ADGRA3: variants seen among roughly 807,000 people sequenced by gnomAD.
ADGRA3 encodes the protein adhesion G protein-coupled receptor A3.
ADGRA3 carries 56 observed loss-of-function variants against 119.8 expected under a neutral mutation model. The observed-to-expected ratio is 0.47, with a 90% CI of 0.38 to 0.58. The LOEUF (loss-of-function observed/expected upper bound fraction) is 0.58. ADGRA3 is among the 20% of genes least tolerant of loss of function. The pLI is 0.00. For synonymous variants in ADGRA3, 607 were observed against 623.8 expected (o/e 0.97, Z 0.40); for missense variants, 1,516 against 1,649.0 (o/e 0.92, Z 1.40).
At chr4:22,462,304 TTTG>T (rs540842421) in intron 2 of ADGRA3, among the ~76,000 whole-genome samples, 8 of 151,894 alleles carry the variant, frequency 5.3e-5, no homozygotes, top group African/African-American at 9.7e-5. Context: ...TTTGGGGTTT[TTTG>T]TTGTTGTTGT....
rs78130875 is a variant in ADGRA3, at chr4:22,499,023, G to A, written c.257+16505C>T. On this transcript the variant is annotated intron_variant, in intron 1 of 18. Transcript: ENST00000334304. ...GGGGAAAGAGGGCAGGTCTCAGCTT[G>A]TAAGTGAGGGGCAATTAGTAGTGAG... 9.2e-3 allele frequency among the ~76,000 whole-genome samples: 1,395 copies of A among 152,282 alleles called. 37 individuals are homozygous for A. Among genetic ancestry groups the A allele is most frequent in the East Asian group, 0.049 (254 of 5,172 alleles).
chr4:22,416,016 T>C (rs1193492190), intron 12 of ADGRA3, among the ~76,000 whole-genome samples: 1 of 152,198 alleles, frequency 6.6e-6, no homozygotes, highest in Non-Finnish European at 1.5e-5. Context: ...AGGGTGCCGA[T>C]AAGGTAAACT....
At chr4:22,498,924 A>G (rs201021119) in intron 1 of ADGRA3, among the ~76,000 whole-genome samples, 2 of 1,840 alleles carry the variant, frequency 1.1e-3, no homozygotes, top group Non-Finnish European at 2.0e-3. Context: ...AAAAAAAAAC[A>G]AAAAAAACAA....
chr4:22,404,356 T>C (rs1000991566), intron 14 of ADGRA3, among the ~76,000 whole-genome samples: 2 of 152,114 alleles, frequency 1.3e-5, no homozygotes, highest in African/African-American at 4.8e-5. Flanking sequence ...GAATCATAAG[T>C]TCACAATCTA....
intron 1 of ADGRA3, among the ~76,000 whole-genome samples, chr4:22,484,090 A>G (rs1718343140): frequency 6.6e-6 from 1 of 152,240 alleles, no homozygotes; most frequent in Non-Finnish European, 1.5e-5. Context: ...AGAAAAAGTC[A>G]AGATTACTTT....
intron 4 of ADGRA3, among the ~76,000 whole-genome samples, chr4:22,448,562 A>T (rs748521998): frequency 6.6e-6 from 1 of 152,158 alleles, no homozygotes; most frequent in African/African-American, 2.4e-5. Context: ...TTCACATGTG[A>T]GAGAGAGTGA....
At chr4:22,468,998 A>G (rs933830136) in intron 2 of ADGRA3, among the ~76,000 whole-genome samples, 2 of 152,278 alleles carry the variant, frequency 1.3e-5, no homozygotes, top group South Asian at 2.1e-4. Context: ...ATGCAAGTTT[A>G]GCAGCCTAAC....
chr4:22,472,839 CA>C (rs1008028453), intron 2 of ADGRA3, among the ~76,000 whole-genome samples: 3 of 152,108 alleles, frequency 2.0e-5, no homozygotes, highest in African/African-American at 7.2e-5. Flanking sequence ...AGACATCTTA[CA>C]GTGTAGCTCC....
At chr4:22,486,667 T>C (rs556292967) in intron 1 of ADGRA3, among the ~76,000 whole-genome samples, 2 of 152,266 alleles carry the variant, frequency 1.3e-5, no homozygotes, top group South Asian at 4.2e-4. Context: ...CTCTAACCTA[T>C]TTTGTATTTA....
chr4:22,435,590 A>ATGG, intron 9 of ADGRA3, 124 bp from the exon 10 acceptor site: 1 of 833,422 alleles, frequency 1.2e-6, no homozygotes, highest in East Asian at 2.7e-5. Context: ...TTTACTCATC[A>ATGG]TGGCCTTCTT....
chr4:22,445,466 A>G (rs6448157), intron 5 of ADGRA3, among the ~76,000 whole-genome samples: 149,892 of 152,268 alleles, frequency 0.98, 73,833 homozygotes, highest in East Asian at 1. Flanking sequence ...TGTCTATCGA[A>G]CTTCTACCCA....
chr4:22,428,123 T>C (rs1716016385), intron 10 of ADGRA3, among the ~76,000 whole-genome samples: 1 of 152,172 alleles, frequency 6.6e-6, no homozygotes, highest in Non-Finnish European at 1.5e-5. Context: ...ATATACAAGA[T>C]AATACGTAAA....
chr4:22,490,064 AG>A (rs1718569376), intron 1 of ADGRA3, among the ~76,000 whole-genome samples: 1 of 152,178 alleles, frequency 6.6e-6, no homozygotes, highest in Non-Finnish European at 1.5e-5. Context: ...AAAATAAAGG[AG>A]GCCTGATTTT....
chr4:22,408,513 T>C (rs577604207), intron 14 of ADGRA3, among the ~76,000 whole-genome samples: 116 of 152,240 alleles, frequency 7.6e-4, no homozygotes, highest in African/African-American at 2.7e-3. Flanking sequence ...GAAAAGGGGA[T>C]ATCCAAACTG....
At chr4:22,469,833 T>A (rs1422263270) in intron 2 of ADGRA3, among the ~76,000 whole-genome samples, 3 of 152,172 alleles carry the variant, frequency 2.0e-5, no homozygotes, top group Non-Finnish European at 4.4e-5. Context: ...TGAGCAAGGT[T>A]CTGTCTTCAA....
At chr4:22,424,056 A>ATAACTTATAAAATGTT in intron 11 of ADGRA3, 135 bp downstream of exon 11, 1 of 547,928 alleles carries the variant, frequency 1.8e-6, no homozygotes. Context: ...ATAAAATGTT[A>ATAACTTATAAAATGTT]AGAAGAAATT....
At chr4:22,485,687 G>A (rs1248050874) in intron 1 of ADGRA3, among the ~76,000 whole-genome samples, 2 of 152,150 alleles carry the variant, frequency 1.3e-5, no homozygotes, top group Non-Finnish European at 2.9e-5. Context: ...GTAATGAACT[G>A]CCTTTACTTT....
intron 16 of ADGRA3, among the ~76,000 whole-genome samples, chr4:22,400,605 A>G (rs1714589386): frequency 6.6e-6 from 1 of 152,202 alleles, no homozygotes; most frequent in Non-Finnish European, 1.5e-5. Context: ...GAAAAGTTCT[A>G]GGTATCTGCT....
intron 14 of ADGRA3, among the ~76,000 whole-genome samples, chr4:22,409,262 T>C (rs140595097): frequency 8.1e-4 from 124 of 152,268 alleles, no homozygotes; most frequent in African/African-American, 2.9e-3. Context: ...TTTGGAGAAT[T>C]TGTCTCACAG....
Sources: gnomAD v4.1 joint callset for allele counts (sites outside exome capture counted in the v4.1 genomes callset) on GRCh38, gnomAD v4.1.1 for gene constraint, MANE v1.5 for transcripts, NCBI Gene and HGNC (gene_info 2026-07-23, HGNC 2026-07-21) for gene names.